The following NR2E3 variants were observed in gnomAD, a reference collection of about 807,000 sequenced individuals.
NR2E3 encodes the protein photoreceptor-specific nuclear receptor.
NR2E3 carries 38 observed loss-of-function variants against 37.6 expected under a neutral mutation model. The ratio of observed to expected loss-of-function variants is 1.01; its 90% CI spans 0.78 to 1.33. The LOEUF is 1.33. Ranked by LOEUF, NR2E3 falls within the 40% of genes most tolerant of loss-of-function variation. NR2E3 has a pLI of 0.00. For missense variants in NR2E3, 562 were observed against 558.7 expected (o/e 1.01, Z -0.06); for synonymous variants, 235 against 225.1 (o/e 1.04, Z -0.39).
chr15:71,813,692 C>G lies in NR2E3; in HGVS notation c.994+57C>G. Reference sequence around the variant, plus strand: ...GAATTCTGGTGACTTCCATCTGCCTCTCACTCTCCCTCCACTACCCCCATG... The same window carrying G: ...GAATTCTGGTGACTTCCATCTGCCTGTCACTCTCCCTCCACTACCCCCATG... On this transcript the variant is annotated intron_variant, in intron 6 of 7. Transcript: ENST00000617575. This position sits in a 1 kb window ranked among gnomAD's most constrained non-coding sequence, Gnocchi z 4.7. 3 of 1,604,818 alleles carry G rather than the reference C, an allele frequency of 1.9e-6. No homozygotes were observed. Among genetic ancestry groups the G allele is most frequent in the Admixed American group, 1.7e-5 (1 of 60,022 alleles).
rs2054185531 is a variant in NR2E3, at chr15:71,811,894, G to A, written c.349+25G>A. The A allele has an allele frequency of 6.5e-7, 1 of 1,550,030 alleles. No homozygotes were observed. Among genetic ancestry groups the A allele is most frequent in the Non-Finnish European group, 8.7e-7 (1 of 1,146,522 alleles). Reference sequence around the variant, plus strand: ...GGTGAGGCGGGGGCTGGCCCGGGGGGAGGTGACAAGAAATGGGCAGCGGGA... The same window carrying A: ...GGTGAGGCGGGGGCTGGCCCGGGGGAAGGTGACAAGAAATGGGCAGCGGGA... On this transcript the variant is annotated intron_variant, in intron 3 of 7. Transcript: ENST00000617575. The surrounding 1 kb of genome is among the most constrained non-coding windows in gnomAD (Gnocchi z 5.6).
chr15:71,813,707 C>T lies in NR2E3; in HGVS notation c.994+72C>T. On this transcript the variant is annotated intron_variant, in intron 6 of 7. Coordinates refer to ENST00000617575, the MANE Select transcript of NR2E3 (RefSeq NM_014249.4). This position sits in a 1 kb window ranked among gnomAD's most constrained non-coding sequence, Gnocchi z 4.7. Reference sequence around the variant, plus strand: ...CCATCTGCCTCTCACTCTCCCTCCACTACCCCCATGTGTGCAGATGTGTGT... The same window carrying T: ...CCATCTGCCTCTCACTCTCCCTCCATTACCCCCATGTGTGCAGATGTGTGT... 6.3e-7 allele frequency: 1 copy of T among 1,598,778 alleles called. No homozygotes were observed. The highest frequency in any genetic ancestry group is 8.5e-7 in the Non-Finnish European group (1 of 1,175,286).
Position 71,814,018 on chromosome 15 carries a change from G to A in NR2E3, c.1001G>A (p.Arg334Gln), listed in dbSNP as rs374483122. ...KALVLFKPETRGLKDPEHVEA... is the reference protein window; with the variant it reads ...KALVLFKPETQGLKDPEHVEA... ...TGGTGCTGCTTCTCCCCAGAGACGC[G>A]GGGCCTGAAGGATCCTGAGCACGTA... Residue 334 changes from arginine (R) to glutamine (Q), a missense_variant, in exon 7 of 8, where the codon CGG (arginine) becomes CAG (glutamine). Arg to Gln is a conservative substitution (Grantham distance 43). Coordinates refer to ENST00000617575, the MANE Select transcript of NR2E3 (RefSeq NM_014249.4). 3.8e-5 allele frequency: 61 copies of A among 1,611,340 alleles called. No individual in the cohort carries two copies. Among genetic ancestry groups the A allele is most frequent in the South Asian group, 1.1e-4 (10 of 90,268 alleles).
Position 71,811,909 on chromosome 15 carries a change from G to C in NR2E3, c.349+40G>C. Reference sequence around the variant, plus strand: ...GGCCCGGGGGGAGGTGACAAGAAATGGGCAGCGGGACTGGCGTGTCGTCCT... The same window carrying C: ...GGCCCGGGGGGAGGTGACAAGAAATCGGCAGCGGGACTGGCGTGTCGTCCT... On this transcript the variant is annotated intron_variant, in intron 3 of 7. Transcript: ENST00000617575. This position sits in a 1 kb window ranked among gnomAD's most constrained non-coding sequence, Gnocchi z 5.6. 6.5e-7 allele frequency: 1 copy of C among 1,549,548 alleles called. No homozygotes were observed. Among genetic ancestry groups the C allele is most frequent in the African/African-American group, 1.4e-5 (1 of 73,152 alleles).
In NR2E3 at chr15:71,811,354, C is replaced by T. The variant is rs1054333035; in HGVS notation, c.119-129C>T. On this transcript the variant is annotated intron_variant, in intron 1 of 7. Coordinates refer to ENST00000617575, the MANE Select transcript of NR2E3 (RefSeq NM_014249.4). This position sits in a 1 kb window ranked among gnomAD's most constrained non-coding sequence, Gnocchi z 5.6. ...CACTTCTCCAGATGGAAGAGTCACG[C>T]GTGGGTTCGTTCAAATGCGGGTGAG... 14 of 777,754 alleles carry T rather than the reference C, an allele frequency of 1.8e-5. No individual in the cohort carries two copies. Among genetic ancestry groups the T allele is most frequent in the East Asian group, 1.6e-4 (6 of 36,970 alleles). 48.2% of individuals were successfully genotyped at this position (777,754 alleles called of 1,614,324 possible).
chr15:71,810,561 T>A lies in NR2E3; in HGVS notation c.-183T>A. On this transcript the variant is annotated 5_prime_UTR_variant, in exon 1 of 8. Coordinates refer to ENST00000617575, the MANE Select transcript of NR2E3 (RefSeq NM_014249.4). The stretch of plus-strand genomic sequence containing the variant: ...TCCAGCGGCTGCCCCGGGAGAAATC[T>A]CCTCAAGCCAGAGCCTGTGCTGTGA... 1.2e-6 allele frequency: 1 copy of A among 814,120 alleles called. No individual in the cohort carries two copies. The highest frequency in any genetic ancestry group is 1.9e-6 in the Non-Finnish European group (1 of 537,522). The allele number at this position is 814,120 out of a possible 1,614,324, so 50.4% of individuals were successfully genotyped here.
At position 71,813,965 on chromosome 15, in the gene NR2E3, A is replaced by G; in HGVS notation, c.995-47A>G. ...GCCACCACTTCATGGCCAGCCTTAT[A>G]ACAGCCGTAAACCTGTGCTAAGCTC... On this transcript the variant is annotated intron_variant, in intron 6 of 7. Transcript: ENST00000617575. The surrounding 1 kb of genome is among the most constrained non-coding windows in gnomAD (Gnocchi z 4.7). The G allele has an allele frequency of 6.3e-7, 1 of 1,580,610 alleles. No homozygotes were observed. The highest frequency in any genetic ancestry group is 8.6e-7 in the Non-Finnish European group (1 of 1,164,834).
Position 71,810,766 on chromosome 15 carries a change from T to C in NR2E3, c.23T>C (p.Leu8Pro), listed in dbSNP as rs2054171599. 3 of 1,573,682 alleles carry C rather than the reference T, an allele frequency of 1.9e-6. No homozygotes were observed. The highest frequency in any genetic ancestry group is 2.6e-6 in the Non-Finnish European group (3 of 1,159,874). The change falls in exon 1 of 8, where the codon CTG becomes CCG. Residue 8 changes from leucine to proline, a missense_variant. Leu to Pro is a moderately conservative substitution (Grantham distance 98, BLOSUM62 -3). Transcript: ENST00000617575. The stretch of plus-strand genomic sequence containing the variant: ...CCCATGGAGACCAGACCAACAGCTC[T>C]GATGAGCTCCACAGTGGCTGCAGCT... METRPTA[L>P]MSSTVAAAAP...
chr15:71,817,537 C>T lies in NR2E3; in HGVS notation c.1101-15C>T, dbSNP rs754380799. The stretch of plus-strand genomic sequence containing the variant: ...AGCTGGTCGTAAAACTGATGGCGTC[C>T]TCTCTCCTGTTCAGGTTTGGGAAAT... On this transcript the variant is annotated splice_polypyrimidine_tract_variant and intron_variant, in intron 7 of 7. Transcript: ENST00000617575. 1.3e-6 allele frequency: 2 copies of T among 1,576,310 alleles called. No homozygotes were observed. Among genetic ancestry groups the T allele is most frequent in the East Asian group, 4.6e-5 (2 of 43,942 alleles).
At chr15:71,812,900 G>T (rs1368240857) in intron 5 of NR2E3, among the ~76,000 whole-genome samples, 1 of 152,190 alleles carries the variant, frequency 6.6e-6, no homozygotes, top group Non-Finnish European at 1.5e-5. Flanking sequence ...GAGCACAAGT[G>T]CCTACGACTT....
At chr15:71,812,224 T>A (rs1278352395) in intron 4 of NR2E3, 48 bp downstream of exon 4, 1 of 1,605,052 alleles carries the variant, frequency 6.2e-7, no homozygotes, top group African/African-American at 1.3e-5. Context: ...GCTTCCCGGG[T>A]CACAGCAGGG....
intron 7 of NR2E3, chr15:71,815,055 T>C (rs2054216633): frequency 3.2e-6 from 1 of 316,674 alleles, no homozygotes; most frequent in Non-Finnish European, 4.6e-6. Context: ...TGGATGGCCC[T>C]GGCTAGGTTT....
Position 71,812,086 on chromosome 15 carries a change from A to G in NR2E3, c.481A>G (p.Thr161Ala). ...GGCAGGGCGCAGCCCACGGGGCCCC[A>G]CACCCATGTCTGCAGCCAGAGCCCT... ...APAGRSPRGP[T>A]PMSAARALGH... Residue 161 changes from threonine to alanine, a missense_variant, in exon 4 of 8, where the codon ACA becomes GCA. Thr to Ala is a moderately conservative substitution (Grantham distance 58, BLOSUM62 0). Coordinates refer to ENST00000617575, the MANE Select transcript of NR2E3 (RefSeq NM_014249.4). 12 of 1,554,156 alleles carry G rather than the reference A, an allele frequency of 7.7e-6. No homozygotes were observed. Among genetic ancestry groups the G allele is most frequent in the Non-Finnish European group, 1.0e-5 (12 of 1,149,082 alleles).
chr15:71,811,011 C>G lies in NR2E3; in HGVS notation c.118+150C>G. ...AGGGTGGGGTAGCCTGTGGGTAAAC[C>G]CAGAATCCTAGAAACACGGTGGGGC... is the stretch of plus-strand genomic sequence containing the variant. On this transcript the variant is annotated intron_variant, in intron 1 of 7. Coordinates refer to ENST00000617575, the MANE Select transcript of NR2E3 (RefSeq NM_014249.4). The surrounding 1 kb of genome is among the most constrained non-coding windows in gnomAD (Gnocchi z 5.6). The G allele has an allele frequency of 1.2e-6, 1 of 840,484 alleles. No homozygotes were observed. The highest frequency in any genetic ancestry group is 2.7e-5 in the East Asian group (1 of 36,604). 52.1% of individuals were successfully genotyped at this position (840,484 alleles called of 1,614,324 possible).
chr15:71,812,465 G>C lies in NR2E3; in HGVS notation c.701G>C (p.Trp234Ser), dbSNP rs1200322637. ...SARLLFMAVK[W>S]AKNLPVFSSL... is the part of the protein sequence containing the mutation. ...CGCCTACTCTTCATGGCCGTCAAGT[G>C]GGCCAAGAACCTGCCTGTGTTCTCC... The change falls in exon 5 of 8, where the codon TGG becomes TCG. Residue 234 changes from tryptophan (W) to serine (S), a missense_variant. Trp to Ser is a radical substitution (Grantham distance 177). Coordinates refer to ENST00000617575, the MANE Select transcript of NR2E3 (RefSeq NM_014249.4). 6.2e-7 allele frequency: 1 copy of C among 1,613,816 alleles called. No individual in the cohort carries two copies. Among genetic ancestry groups the C allele is most frequent in the Non-Finnish European group, 8.5e-7 (1 of 1,179,786 alleles).
chr15:71,811,450 T>TGGCCCAGCCCTGCCCC lies in NR2E3; in HGVS notation c.119-32_119-31insGCCCAGCCCTGCCCCG. ...GTGCAGCCCTGCCCCGGCCCAGCCC[T>TGGCCCAGCCCTGCCCC]GCCCTGGCCCAGCCCTGCCCCCTGC... On this transcript the variant is annotated intron_variant, in intron 1 of 7. Coordinates refer to ENST00000617575, the MANE Select transcript of NR2E3 (RefSeq NM_014249.4). The surrounding 1 kb of genome is among the most constrained non-coding windows in gnomAD (Gnocchi z 5.6). The TGGCCCAGCCCTGCCCC allele has an allele frequency of 6.7e-7, 1 of 1,487,204 alleles. No individual in the cohort carries two copies. The highest frequency in any genetic ancestry group is 1.7e-5 in the African/African-American group (1 of 57,334). The allele number at this position is 1,487,204 out of a possible 1,614,324, so 92.1% of individuals were successfully genotyped here.
At chr15:71,814,618 T>C (rs1212208520) in intron 7 of NR2E3, 4 of 948,960 alleles carry the variant, frequency 4.2e-6, no homozygotes, top group Non-Finnish European at 5.0e-6. Context: ...AAAAGTACCC[T>C]AGGACCAGCC....
In NR2E3 at chr15:71,813,708, T is replaced by C. The variant is rs1168097115; in HGVS notation, c.994+73T>C. The C allele has an allele frequency of 3.1e-6, 5 of 1,591,920 alleles. No homozygotes were observed. In the East Asian group the frequency reaches 1.1e-4, roughly 36 times the overall value. On this transcript the variant is annotated intron_variant, in intron 6 of 7. Coordinates refer to ENST00000617575, the MANE Select transcript of NR2E3 (RefSeq NM_014249.4). The surrounding 1 kb of genome is among the most constrained non-coding windows in gnomAD (Gnocchi z 4.7). ...CATCTGCCTCTCACTCTCCCTCCAC[T>C]ACCCCCATGTGTGCAGATGTGTGTA...
At chr15:71,815,381 G>A (rs1330926505) in intron 7 of NR2E3, among the ~76,000 whole-genome samples, 3 of 152,202 alleles carry the variant, frequency 2.0e-5, no homozygotes, top group Non-Finnish European at 4.4e-5. Flanking sequence ...ATGCCATATA[G>A]CACAGGAAGA....
Sources: gnomAD v4.1 joint callset for allele counts (sites outside exome capture counted in the v4.1 genomes callset) on GRCh38, gnomAD v4.1.1 for gene constraint, Gnocchi (gnomAD v3.1) non-coding constraint, MANE v1.5 for transcripts, NCBI Gene and HGNC (gene_info 2026-07-23, HGNC 2026-07-21) for gene names.